Variants in WWOX observed in about 807,000 individuals in gnomAD.
WWOX encodes WW domain containing oxidoreductase, also known as WW domain-containing oxidoreductase.
A neutral mutation model predicts 46.2 loss-of-function variants in WWOX; 69 were observed. The ratio of observed to expected loss-of-function variants is 1.49; its 90% confidence interval spans 1.23 to 1.82. The LOEUF is 1.82. Ranked by LOEUF, WWOX falls within the 40% of genes most tolerant of loss-of-function variation. The pLI is 0.00. For missense variants in WWOX, 919 were observed against 542.6 expected, an observed-to-expected ratio of 1.69 and a Z score of -6.89; for synonymous variants, 359 against 202.6, an observed-to-expected ratio of 1.77 and a Z score of -6.56.
At chr16:79,029,844 G>A (rs968287514) in intron 8 of WWOX, among the ~76,000 whole-genome samples, 2 of 152,116 alleles carry the variant, frequency 1.3e-5, no homozygotes, top group Non-Finnish European at 2.9e-5. Flanking sequence ...ATTGTTTACT[G>A]TCTTCAAACT....
At chr16:78,330,566 T>A (rs1228933907) in intron 5 of WWOX, among the ~76,000 whole-genome samples, 1 of 152,176 alleles carries the variant, frequency 6.6e-6, no homozygotes, top group Non-Finnish European at 1.5e-5. Flanking sequence ...CCAGCTAATT[T>A]TTGTATTTTT....
At chr16:78,658,833 T>C (rs1382687641) in intron 8 of WWOX, among the ~76,000 whole-genome samples, 1 of 151,814 alleles carries the variant, frequency 6.6e-6, no homozygotes, top group African/African-American at 2.4e-5. Context: ...GGCTCATGCC[T>C]GTAATCCCAG....
Position 78,326,584 on chromosome 16 carries a change from C to T in WWOX, c.517-60276C>T, listed in dbSNP as rs1173862585. Among the ~76,000 whole-genome samples, 4 of 100,694 alleles carry T rather than the reference C, an allele frequency of 4.0e-5. 1 individual carries two copies. Among genetic ancestry groups the T allele is most frequent in the Non-Finnish European group, 5.9e-5 (3 of 51,212 alleles). 66.1% of individuals were successfully genotyped at this position (100,694 alleles called of 152,430 possible). On this transcript the variant is annotated intron_variant, in intron 5 of 8. Coordinates refer to ENST00000566780, the MANE Select transcript of WWOX (RefSeq NM_016373.4). ...TCTGCCTGCCCTCCCCCCGCCCCCC[C>T]CCCCCGCAATGCCTCAATCTGTGGC...
intron 8 of WWOX, among the ~76,000 whole-genome samples, chr16:78,802,053 T>G (rs1405124310): frequency 6.6e-6 from 1 of 152,144 alleles, no homozygotes; most frequent in African/African-American, 2.4e-5. Context: ...CTGGCTCTGC[T>G]GGTTATTATT....
At chr16:79,118,526 A>G (rs1239476470) in intron 8 of WWOX, among the ~76,000 whole-genome samples, 11 of 152,342 alleles carry the variant, frequency 7.2e-5, no homozygotes, top group Admixed American at 6.5e-4. Flanking sequence ...CCTTAATGCA[A>G]AGTTGCCAGA....
At chr16:79,061,700 A>G (rs7202755) in intron 8 of WWOX, among the ~76,000 whole-genome samples, 2,580 of 152,318 alleles carry the variant, frequency 0.017, 88 homozygotes, top group African/African-American at 0.059. Flanking sequence ...CTGAAAACAA[A>G]CTGGGCATGT....
intron 8 of WWOX, among the ~76,000 whole-genome samples, chr16:78,865,136 T>C (rs1206858849): frequency 1.3e-5 from 2 of 152,168 alleles, no homozygotes; most frequent in African/African-American, 4.8e-5. Flanking sequence ...TATGTTAATA[T>C]GTAAAATAAA....
chr16:79,079,065 T>G (rs913047012), intron 8 of WWOX, among the ~76,000 whole-genome samples: 1 of 152,208 alleles, frequency 6.6e-6, no homozygotes, highest in African/African-American at 2.4e-5. Flanking sequence ...ACTTTACAAT[T>G]AGTGCCTTAA....
chr16:78,339,607 GATGATAGAAT>G (rs1215689380), intron 5 of WWOX, among the ~76,000 whole-genome samples: 1 of 119,878 alleles, frequency 8.3e-6, no homozygotes, highest in Admixed American at 8.2e-5. Context: ...TCTGAAAAAG[GATGATAGAAT>G]ATGTGTGTGT....
Position 78,961,540 on chromosome 16 carries a change from A to G in WWOX, c.1057-250068A>G, listed in dbSNP as rs138140452. ...TGGTGGGTGGTAGGTGGGTACATAGATGGATGTATGGATGGGTGGGTTGGT... is the reference window on the plus strand; with the variant it reads ...TGGTGGGTGGTAGGTGGGTACATAGGTGGATGTATGGATGGGTGGGTTGGT... On this transcript the variant is annotated intron_variant, in intron 8 of 8. Transcript: ENST00000566780. Among the ~76,000 whole-genome samples the G allele has an allele frequency of 4.7e-3, 717 of 152,014 alleles. 2 individuals are homozygous for G. Among genetic ancestry groups the G allele is most frequent in the Non-Finnish European group, 7.8e-3 (528 of 67,924 alleles).
At chr16:79,068,901 A>G (rs1178935829) in intron 8 of WWOX, among the ~76,000 whole-genome samples, 1 of 151,794 alleles carries the variant, frequency 6.6e-6, no homozygotes, top group Admixed American at 6.6e-5. Flanking sequence ...GAATGCCGAA[A>G]GTGGTTCCTT....
chr16:78,160,758 G>C (rs908532595), intron 4 of WWOX, among the ~76,000 whole-genome samples: 2 of 152,056 alleles, frequency 1.3e-5, no homozygotes, highest in Non-Finnish European at 1.5e-5. Flanking sequence ...AGTATATTTT[G>C]CTGTTGCTTT....
At chr16:78,372,888 G>A (rs1363616818) in intron 5 of WWOX, among the ~76,000 whole-genome samples, 3 of 152,104 alleles carry the variant, frequency 2.0e-5, no homozygotes, top group Non-Finnish European at 4.4e-5. Context: ...CTACTATGAG[G>A]CTATTTGGAA....
chr16:78,962,251 A>G (rs1312776268), intron 8 of WWOX, among the ~76,000 whole-genome samples: 1 of 142,628 alleles, frequency 7.0e-6, no homozygotes, highest in Non-Finnish European at 1.5e-5. Context: ...TCTCTATCCC[A>G]TTAGCTGAAT....
At chr16:78,393,851 T>TA (rs541969854) in intron 6 of WWOX, among the ~76,000 whole-genome samples, 8 of 151,936 alleles carry the variant, frequency 5.3e-5, no homozygotes, top group South Asian at 2.1e-4. Context: ...TTTTTTTAAT[T>TA]AAAAAAAAGG....
At chr16:78,748,117 C>G (rs1041482839) in intron 8 of WWOX, among the ~76,000 whole-genome samples, 3 of 152,122 alleles carry the variant, frequency 2.0e-5, no homozygotes, top group African/African-American at 7.2e-5. Flanking sequence ...ACCGGACCCT[C>G]CACTCCTCTA....
intron 8 of WWOX, among the ~76,000 whole-genome samples, chr16:79,182,176 G>A (rs573588817): frequency 1.4e-4 from 21 of 151,616 alleles, no homozygotes; most frequent in African/African-American, 1.9e-4. Flanking sequence ...CTGGTGGTTC[G>A]TTTTCATCTT....
At chr16:78,353,676 C>T (rs1597083602) in intron 5 of WWOX, among the ~76,000 whole-genome samples, 1 of 152,244 alleles carries the variant, frequency 6.6e-6, no homozygotes, top group South Asian at 2.1e-4. Context: ...AGATGTAACT[C>T]TGTCCTGAAG....
chr16:78,901,080 C>G (rs191488200), intron 8 of WWOX, among the ~76,000 whole-genome samples: 1 of 152,184 alleles, frequency 6.6e-6, no homozygotes, highest in African/African-American at 2.4e-5. Flanking sequence ...TTGCACACAT[C>G]TAGAAGTTCC....
Sources: gnomAD v4.1 joint callset for allele counts (sites outside exome capture counted in the v4.1 genomes callset) on GRCh38, gnomAD v4.1.1 for gene constraint, MANE v1.5 for transcripts, NCBI Gene and HGNC (gene_info 2026-07-23, HGNC 2026-07-21) for gene names.